The following LIPH variants were observed in gnomAD, a reference collection of about 807,000 sequenced individuals.
The protein encoded by LIPH is lipase H, also known as lipase member H.
Under a neutral mutation model 47.6 loss-of-function variants are expected in LIPH, and 32 were observed. The ratio of observed to expected loss-of-function variants is 0.67; its 90% CI spans 0.51 to 0.90. The LOEUF (loss-of-function observed/expected upper bound fraction) is 0.90. Among genes scored for constraint, LIPH ranks in the 40% least tolerant of loss-of-function variants. The pLI, the probability that LIPH is intolerant of heterozygous loss-of-function variation, is 0.00. For missense variants in LIPH, 497 were observed against 541.4 expected (o/e 0.92, Z 0.81); for synonymous variants, 190 against 195.6 (o/e 0.97, Z 0.24).
intron 1 of LIPH, among the ~76,000 whole-genome samples, chr3:185,551,289 A>G (rs1223966263): frequency 6.6e-6 from 1 of 152,250 alleles, no homozygotes; most frequent in East Asian, 1.9e-4. Flanking sequence ...AACCATATAT[A>G]AAGAAAAATT....
rs899005965 is a variant in LIPH at position 185,527,473 on chromosome 3, A to G, written c.628+11T>C. ...GGCGGTGTCACTGACCCACAAGGAA[A>G]GGAGCGTTACCATCAGTGTCGGAAT... is the stretch of plus-strand genomic sequence containing the variant. On this transcript the variant is annotated intron_variant, in intron 4 of 9. Transcript: ENST00000296252. 6.3e-7 allele frequency: 1 copy of G among 1,586,562 alleles called. No homozygotes were observed. The highest frequency in any genetic ancestry group is 1.3e-5 in the African/African-American group (1 of 74,288).
rs1223837516 is a variant in LIPH, at chr3:185,519,137, C to A, written c.886+5G>T. On this transcript the variant is annotated splice_donor_5th_base_variant and intron_variant, in intron 6 of 9. Transcript: ENST00000296252. ...ATCAGAGAGGAAACTGCTGGTTAGA[C>A]TTACCCAGAAGGGGACAGGACTCTT... 2 of 1,613,150 alleles carry A rather than the reference C, an allele frequency of 1.2e-6. No homozygotes were observed. The highest frequency in any genetic ancestry group is 1.7e-6 in the Non-Finnish European group (2 of 1,179,080).
intron 7 of LIPH, among the ~76,000 whole-genome samples, chr3:185,515,773 C>T (rs531304576): frequency 2.5e-4 from 38 of 152,108 alleles, no homozygotes; most frequent in Non-Finnish European, 5.0e-4. Context: ...TCAAGTGATC[C>T]GCCCGCCTTG....
chr3:185,510,299 T>C (rs1478818745), intron 9 of LIPH, among the ~76,000 whole-genome samples: 1 of 152,184 alleles, frequency 6.6e-6, no homozygotes, highest in Admixed American at 6.5e-5. Context: ...ACTCACATCA[T>C]TTCCTGTCTC....
At chr3:185,524,909 G>A (rs961163763) in intron 4 of LIPH, among the ~76,000 whole-genome samples, 1 of 152,150 alleles carries the variant, frequency 6.6e-6, no homozygotes, top group African/African-American at 2.4e-5. Context: ...TAAAAAGATT[G>A]GAACTACTTC....
chr3:185,534,294 T>G (rs1027308774), intron 2 of LIPH, among the ~76,000 whole-genome samples: 30 of 151,484 alleles, frequency 2.0e-4, no homozygotes, highest in Admixed American at 1.9e-3. Flanking sequence ...AGGCAAAGGT[T>G]GCGGTGAGCT....
chr3:185,539,059 C>T (rs1466555963), intron 1 of LIPH, among the ~76,000 whole-genome samples: 1 of 150,974 alleles, frequency 6.6e-6, no homozygotes, highest in East Asian at 1.9e-4. Flanking sequence ...CAACCTTCAC[C>T]TCCCAGGTTC....
chr3:185,548,329 A>G (rs1341537321), intron 1 of LIPH, among the ~76,000 whole-genome samples: 1 of 148,926 alleles, frequency 6.7e-6, no homozygotes, highest in Non-Finnish European at 1.5e-5. Flanking sequence ...TGCTAGAACC[A>G]GGGAGGCGGA....
intron 1 of LIPH, among the ~76,000 whole-genome samples, chr3:185,538,910 CAT>C (rs951219719): frequency 5.4e-4 from 78 of 143,424 alleles, no homozygotes; most frequent in African/African-American, 2.0e-3. Flanking sequence ...CACATATACA[CAT>C]ATATACACAT....
At chr3:185,527,711 C>A (rs534762192) in intron 3 of LIPH, 126 bp from the exon 4 acceptor site, 2 of 698,742 alleles carry the variant, frequency 2.9e-6, no homozygotes, top group East Asian at 5.4e-5. Flanking sequence ...AGCGCTCACA[C>A]TCCCGTCCCA....
Position 185,527,575 on chromosome 3 carries a change from AG to A in LIPH, c.536del (p.Pro179LeufsTer15). 6.2e-7 allele frequency: 1 copy of A among 1,610,154 alleles called. No homozygotes were observed. The highest frequency in any genetic ancestry group is 8.5e-7 in the Non-Finnish European group (1 of 1,177,732). On this transcript the variant is annotated frameshift_variant, in exon 4 of 10. Coordinates refer to ENST00000296252, the MANE Select transcript of LIPH (RefSeq NM_139248.3). ...GTTTCCCGTTGAATAAAGGGCCTGC[AG>A]GGTCGAGGCCTGGAAGGAAAACAGA... is the stretch of plus-strand genomic sequence containing the variant. ...GWLGRITGLD[P>X]AGPLFNGKPH...
rs1560162747 is a variant in LIPH at position 185,526,567 on chromosome 3, A to ATAAG, written c.628+916_628+917insCTTA. 2.9e-3 allele frequency among the ~76,000 whole-genome samples: 406 copies of ATAAG among 141,842 alleles called. 2 individuals carry two copies. The highest frequency in any genetic ancestry group is 8.1e-3 in the African/African-American group (310 of 38,274). 93.1% of individuals were successfully genotyped at this position (141,842 alleles called of 152,430 possible). On this transcript the variant is annotated intron_variant, in intron 4 of 9. Transcript: ENST00000296252. ...AATAAAATAAGATAAGATAAGATAA[A>ATAAG]ATAAAATAAAAATAAGATAAAATAA... is the stretch of plus-strand genomic sequence containing the variant.
chr3:185,539,380 CT>C (rs1354024227), intron 1 of LIPH, among the ~76,000 whole-genome samples: 2 of 141,638 alleles, frequency 1.4e-5, no homozygotes, highest in Admixed American at 7.0e-5. Flanking sequence ...TTTTTTTTTC[CT>C]TTTTTTTTGA....
intron 2 of LIPH, 148 bp downstream of exon 2, chr3:185,534,617 C>G: frequency 1.3e-6 from 1 of 748,468 alleles, no homozygotes; most frequent in South Asian, 1.7e-5. Flanking sequence ...TGCACAGCCC[C>G]TCATCCCACC....
At chr3:185,529,976 AAGAGAGAG>A in intron 3 of LIPH, among the ~76,000 whole-genome samples, 1 of 104,986 alleles carries the variant, frequency 9.5e-6, no homozygotes, top group South Asian at 2.9e-4. Flanking sequence ...GAAAGAAAGA[AAGAGAGAG>A]AGAGAGAAAA....
intron 3 of LIPH, among the ~76,000 whole-genome samples, chr3:185,532,990 G>A (rs1293528920): frequency 6.6e-6 from 1 of 152,120 alleles, no homozygotes; most frequent in Non-Finnish European, 1.5e-5. Flanking sequence ...GGAGAAATGG[G>A]AGAGGCTTTG....
At chr3:185,511,091 T>C (rs369751623) in intron 9 of LIPH, among the ~76,000 whole-genome samples, 12 of 152,184 alleles carry the variant, frequency 7.9e-5, no homozygotes, top group African/African-American at 2.9e-4. Flanking sequence ...TGAGATAGAA[T>C]CTTGCTATGT....
At chr3:185,541,145 T>C (rs4626118) in intron 1 of LIPH, among the ~76,000 whole-genome samples, 55,825 of 152,068 alleles carry the variant, frequency 0.37, 10,400 homozygotes, top group Non-Finnish European at 0.4. Flanking sequence ...TGATTCCTTA[T>C]ATAGTTTCAA....
intron 3 of LIPH, among the ~76,000 whole-genome samples, chr3:185,529,675 A>G (rs1720249265): frequency 6.6e-6 from 1 of 151,178 alleles, no homozygotes; most frequent in South Asian, 2.1e-4. Flanking sequence ...GGATTGCTTG[A>G]GACCAGGAGT....
Sources: gnomAD v4.1 joint callset for allele counts (sites outside exome capture counted in the v4.1 genomes callset) on GRCh38, gnomAD v4.1.1 for gene constraint, MANE v1.5 for transcripts, NCBI Gene and HGNC (gene_info 2026-07-23, HGNC 2026-07-21) for gene names.